The following PRKG1 variants were observed in gnomAD, a reference collection of about 807,000 sequenced individuals.
PRKG1 encodes cGMP-dependent protein kinase 1.
Under a neutral mutation model 88.1 loss-of-function variants are expected in PRKG1, and 35 were observed. The observed-to-expected ratio is 0.40, with a 90% CI of 0.30 to 0.53. PRKG1 has a LOEUF of 0.53. Ranked by LOEUF, PRKG1 falls within the 20% of genes least tolerant of loss-of-function variation. The pLI is 0.59. For synonymous variants in PRKG1, 303 were observed against 292.5 expected (o/e 1.04, Z -0.37); for missense variants, 540 against 839.8 (o/e 0.64, Z 4.41).
intron 2 of PRKG1, among the ~76,000 whole-genome samples, chr10:51,376,153 C>T (rs1842813047): frequency 6.6e-6 from 1 of 152,312 alleles, no homozygotes; most frequent in East Asian, 1.9e-4. Flanking sequence ...AATCCAGCTG[C>T]AGCAAATGCT....
chr10:52,023,849 G>A lies in PRKG1; in HGVS notation c.763-30635G>A, dbSNP rs192178998. Reference sequence around the variant, plus strand: ...ATGGATAGATTGCAAAAATTTTCTCGCATTCTGGAGGTTGCCTATTTACTC... The same window carrying A: ...ATGGATAGATTGCAAAAATTTTCTCACATTCTGGAGGTTGCCTATTTACTC... On this transcript the variant is annotated intron_variant, in intron 5 of 17. Transcript: ENST00000373980. 2.1e-4 allele frequency among the ~76,000 whole-genome samples: 32 copies of A among 152,128 alleles called. 1 individual carries two copies. In the East Asian group the frequency reaches 2.1e-3, roughly 10 times the overall value.
rs1554835916 is a variant in PRKG1, at chr10:51,727,300, A to ATATATT, written c.593-77284_593-77283insATATTT. 8.5e-3 allele frequency among the ~76,000 whole-genome samples: 1,226 copies of ATATATT among 144,788 alleles called. 16 individuals are homozygous for ATATATT. The highest frequency in any genetic ancestry group is 0.027 in the African/African-American group (1,078 of 39,336). The allele number at this position is 144,788 out of a possible 152,430, so 95.0% of individuals were successfully genotyped here. On this transcript the variant is annotated intron_variant, in intron 3 of 17. Coordinates refer to ENST00000373980, the MANE Select transcript of PRKG1 (RefSeq NM_006258.4). Reference sequence around the variant, plus strand: ...AAAAAAAAAAAATATATATATATATATTTTTTTTACTTTTCTCAGAGTTAT... The same window carrying ATATATT: ...AAAAAAAAAAAATATATATATATATATATATTTTTTTTTTACTTTTCTCAGAGTTAT...
intron 3 of PRKG1, among the ~76,000 whole-genome samples, chr10:51,528,022 A>G (rs2132087823): frequency 6.6e-6 from 1 of 152,294 alleles, no homozygotes; most frequent in South Asian, 2.1e-4. Flanking sequence ...GGAAACCCAC[A>G]GCGTGGTGGT....
At chr10:51,806,973 C>G (rs1295492258) in intron 4 of PRKG1, among the ~76,000 whole-genome samples, 1 of 152,156 alleles carries the variant, frequency 6.6e-6, no homozygotes, top group African/African-American at 2.4e-5. Flanking sequence ...TGTATACTTA[C>G]CTCATTACAC....
intron 2 of PRKG1, among the ~76,000 whole-genome samples, chr10:51,202,697 G>A (rs1019338000): frequency 3.9e-5 from 6 of 152,208 alleles, no homozygotes; most frequent in Non-Finnish European, 7.3e-5. Context: ...ATAGATTATG[G>A]ATAAGATGAG....
At chr10:51,988,724 T>C (rs1844226165) in intron 5 of PRKG1, among the ~76,000 whole-genome samples, 1 of 152,056 alleles carries the variant, frequency 6.6e-6, no homozygotes, top group Admixed American at 6.6e-5. Context: ...TTGTTCTTGT[T>C]GATTGGTAAA....
intron 5 of PRKG1, among the ~76,000 whole-genome samples, chr10:51,936,365 A>G (rs971352702): frequency 3.3e-5 from 5 of 152,080 alleles, no homozygotes; most frequent in African/African-American, 7.2e-5. Context: ...CATTTCTTTC[A>G]TATAATGCAT....
intron 5 of PRKG1, among the ~76,000 whole-genome samples, chr10:51,991,954 AT>A (rs990618416): frequency 1.3e-5 from 2 of 152,198 alleles, no homozygotes; most frequent in African/African-American, 4.8e-5. Flanking sequence ...TCAAAATACT[AT>A]TTATGCAATT....
At chr10:51,399,267 A>T (rs1018432478) in intron 2 of PRKG1, among the ~76,000 whole-genome samples, 2 of 152,124 alleles carry the variant, frequency 1.3e-5, no homozygotes, top group African/African-American at 4.8e-5. Flanking sequence ...ATTTCATATG[A>T]TACATAGCAT....
At chr10:51,815,412 G>A (rs1839559068) in intron 4 of PRKG1, among the ~76,000 whole-genome samples, 1 of 152,148 alleles carries the variant, frequency 6.6e-6, no homozygotes, top group Admixed American at 6.5e-5. Flanking sequence ...GAAAAATTAA[G>A]AAGGGTGGTC....
At chr10:51,741,510 A>G (rs1003066962) in intron 3 of PRKG1, among the ~76,000 whole-genome samples, 8 of 152,220 alleles carry the variant, frequency 5.3e-5, no homozygotes, top group Admixed American at 4.6e-4. Flanking sequence ...GCTGTTAGGA[A>G]CAATACCCAT....
At chr10:51,971,458 A>G (rs902859615) in intron 5 of PRKG1, among the ~76,000 whole-genome samples, 13 of 152,074 alleles carry the variant, frequency 8.5e-5, no homozygotes, top group African/African-American at 3.1e-4. Flanking sequence ...CCAAATCTAC[A>G]AATTTAGAAA....
chr10:51,937,517 G>A (rs575303323), intron 5 of PRKG1, among the ~76,000 whole-genome samples: 7 of 152,022 alleles, frequency 4.6e-5, no homozygotes, highest in South Asian at 2.1e-4. Context: ...AATTCTTTTC[G>A]TTCCAGTCTG....
intron 2 of PRKG1, among the ~76,000 whole-genome samples, chr10:51,312,597 T>G (rs1011771863): frequency 1.3e-5 from 2 of 152,152 alleles, no homozygotes; most frequent in African/African-American, 4.8e-5. Flanking sequence ...AAACAGCTGG[T>G]TCTGCACATG....
intron 2 of PRKG1, among the ~76,000 whole-genome samples, chr10:51,254,172 A>G (rs992586112): frequency 3.4e-4 from 51 of 151,966 alleles, no homozygotes; most frequent in African/African-American, 1.2e-3. Context: ...TAGTTGAAGC[A>G]TTGATTGATT....
chr10:51,655,096 G>A (rs74907141), intron 3 of PRKG1, among the ~76,000 whole-genome samples: 5,448 of 152,178 alleles, frequency 0.036, 139 homozygotes, highest in South Asian at 0.1. Flanking sequence ...TATTATAACC[G>A]TGAAATTAAG....
chr10:51,150,777 A>G (rs1234103211), intron 1 of PRKG1, among the ~76,000 whole-genome samples: 3 of 151,858 alleles, frequency 2.0e-5, no homozygotes, highest in African/African-American at 7.3e-5. Context: ...CCCATCCCAC[A>G]CTCTACATTC....
chr10:51,303,874 G>A (rs942657655), intron 2 of PRKG1, among the ~76,000 whole-genome samples: 1 of 151,938 alleles, frequency 6.6e-6, no homozygotes, highest in Non-Finnish European at 1.5e-5. Context: ...AGGCTGGAGC[G>A]CAGTGGTGTG....
At chr10:51,212,297 C>G (rs1838244169) in intron 2 of PRKG1, among the ~76,000 whole-genome samples, 1 of 152,002 alleles carries the variant, frequency 6.6e-6, no homozygotes. Context: ...CTTCCTTACA[C>G]CTTATACAAA....
Sources: allele counts gnomAD v4.1 joint callset (sites outside exome capture counted in the v4.1 genomes callset), GRCh38; gene constraint gnomAD v4.1.1; transcripts MANE v1.5; gene names NCBI Gene and HGNC (gene_info 2026-07-23, HGNC 2026-07-21).